EXOC6B: variants seen among roughly 807,000 people sequenced by gnomAD.
EXOC6B encodes the protein exocyst complex component 6B.
EXOC6B carries 54 observed loss-of-function variants against 113.5 expected under a neutral mutation model. That is an observed-to-expected ratio of 0.48 (90% CI 0.38 to 0.60). The LOEUF is 0.60. EXOC6B is among the 20% of genes least tolerant of loss of function. EXOC6B has a pLI of 0.00. For synonymous variants in EXOC6B, 357 were observed against 339.0 expected (o/e 1.05, Z -0.58); for missense variants, 797 against 977.5 (o/e 0.82, Z 2.46).
At chr2:72,504,871 T>C (rs1302911916) in intron 11 of EXOC6B, among the ~76,000 whole-genome samples, 2 of 152,214 alleles carry the variant, frequency 1.3e-5, no homozygotes, top group East Asian at 3.8e-4. Flanking sequence ...CTGAACACCT[T>C]TCACATGTTT....
chr2:72,231,951 T>C (rs1322733264), intron 20 of EXOC6B, among the ~76,000 whole-genome samples: 1 of 151,966 alleles, frequency 6.6e-6, no homozygotes, highest in Non-Finnish European at 1.5e-5. Context: ...ACAGAAATCA[T>C]CCTACCATAA....
chr2:72,789,788 A>G (rs370029602), intron 1 of EXOC6B, among the ~76,000 whole-genome samples: 1 of 152,338 alleles, frequency 6.6e-6, no homozygotes. Context: ...TTAATTATTG[A>G]ATCTAGGTGA....
intron 8 of EXOC6B, among the ~76,000 whole-genome samples, chr2:72,518,042 G>A (rs558042284): frequency 9.2e-5 from 14 of 152,118 alleles, no homozygotes; most frequent in African/African-American, 3.1e-4. Flanking sequence ...TGCCAATTTT[G>A]TCAACTCAAT....
intron 18 of EXOC6B, among the ~76,000 whole-genome samples, chr2:72,439,588 T>C (rs1355515671): frequency 6.6e-6 from 1 of 152,228 alleles, no homozygotes; most frequent in Non-Finnish European, 1.5e-5. Context: ...CATTCTTCTC[T>C]ATACTGGCAA....
At chr2:72,680,690 G>C in intron 6 of EXOC6B, among the ~76,000 whole-genome samples, 1 of 151,552 alleles carries the variant, frequency 6.6e-6, no homozygotes, top group East Asian at 1.9e-4. Context: ...AGTGAGCTGA[G>C]ATCTTGCGAC....
chr2:72,565,852 G>T (rs1251387813), intron 7 of EXOC6B, among the ~76,000 whole-genome samples: 2 of 151,982 alleles, frequency 1.3e-5, no homozygotes, highest in African/African-American at 4.8e-5. Flanking sequence ...GTGGGTGGTG[G>T]GGTATAGAAA....
intron 1 of EXOC6B, among the ~76,000 whole-genome samples, chr2:72,796,480 T>C (rs1020945957): frequency 3.3e-5 from 5 of 149,380 alleles, no homozygotes; most frequent in Non-Finnish European, 7.4e-5. Context: ...AGCCTCATAA[T>C]GTTTTAACAA....
chr2:72,276,622 C>T (rs914579584), intron 20 of EXOC6B, among the ~76,000 whole-genome samples: 1 of 152,148 alleles, frequency 6.6e-6, no homozygotes, highest in Non-Finnish European at 1.5e-5. Flanking sequence ...ACTCATCACT[C>T]ACACTGTGTG....
chr2:72,344,722 C>A (rs143580323), intron 19 of EXOC6B, among the ~76,000 whole-genome samples: 1 of 151,866 alleles, frequency 6.6e-6, no homozygotes, highest in African/African-American at 2.4e-5. Context: ...TGGACCTCTA[C>A]GGTTAGTTTC....
intron 16 of EXOC6B, among the ~76,000 whole-genome samples, chr2:72,483,414 A>T (rs1167556309): frequency 6.6e-6 from 1 of 152,222 alleles, no homozygotes; most frequent in Admixed American, 6.5e-5. Flanking sequence ...GAAATAAAAA[A>T]CAGTGGCAGT....
intron 6 of EXOC6B, among the ~76,000 whole-genome samples, chr2:72,626,727 T>C (rs1472820923): frequency 1.3e-5 from 2 of 151,920 alleles, no homozygotes; most frequent in Non-Finnish European, 2.9e-5. Flanking sequence ...AATTTCTACA[T>C]ACCATTAAAC....
At chr2:72,460,567 C>T (rs1403766236) in intron 18 of EXOC6B, among the ~76,000 whole-genome samples, 1 of 152,116 alleles carries the variant, frequency 6.6e-6, no homozygotes, top group Non-Finnish European at 1.5e-5. Flanking sequence ...AGACACTTCT[C>T]AAAAGAAGAC....
intron 18 of EXOC6B, among the ~76,000 whole-genome samples, chr2:72,400,485 T>C (rs1693063204): frequency 6.6e-6 from 1 of 151,776 alleles, no homozygotes; most frequent in Admixed American, 6.6e-5. Flanking sequence ...AAAGAAATAA[T>C]CAACAGAATA....
chr2:72,512,354 A>C (rs1475602358), intron 11 of EXOC6B, among the ~76,000 whole-genome samples: 5 of 13,918 alleles, frequency 3.6e-4, no homozygotes, highest in African/African-American at 8.4e-4. Context: ...GAAGGAAGGA[A>C]GGAAGGAAGG....
chr2:72,322,522 C>G (rs1687895623), intron 20 of EXOC6B, among the ~76,000 whole-genome samples: 1 of 152,050 alleles, frequency 6.6e-6, no homozygotes, highest in African/African-American at 2.4e-5. Context: ...GAGTTGTACA[C>G]TTGAAATAGG....
chr2:72,325,294 A>C (rs1380011103), intron 20 of EXOC6B, among the ~76,000 whole-genome samples: 2 of 152,124 alleles, frequency 1.3e-5, no homozygotes, highest in Non-Finnish European at 2.9e-5. Context: ...GCAGCTATTA[A>C]TATTTAAGAG....
At chr2:72,385,407 GA>G (rs996960747) in intron 18 of EXOC6B, among the ~76,000 whole-genome samples, 16 of 139,090 alleles carry the variant, frequency 1.2e-4, no homozygotes, top group Admixed American at 3.6e-4. Context: ...GAAACTACTA[GA>G]AAAAAAAAAC....
intron 11 of EXOC6B, among the ~76,000 whole-genome samples, chr2:72,508,844 A>C (rs899891794): frequency 6.6e-6 from 1 of 152,156 alleles, no homozygotes; most frequent in Non-Finnish European, 1.5e-5. Flanking sequence ...TGTCAGATAC[A>C]ATAATCACAA....
Position 72,321,926 on chromosome 2 carries a change from T to C in EXOC6B, c.2196+13021A>G, listed in dbSNP as rs115417271. 1.6e-3 allele frequency among the ~76,000 whole-genome samples: 249 copies of C among 152,236 alleles called. 2 individuals are homozygous for C. The highest frequency in any genetic ancestry group is 5.8e-3 in the African/African-American group (243 of 41,550). On this transcript the variant is annotated intron_variant, in intron 20 of 21. Coordinates refer to ENST00000272427, the MANE Select transcript of EXOC6B (RefSeq NM_015189.3). ...AACAAATGAACAAAATACTGTCTAA[T>C]CAAGTGTTGAAGAGGATGTGAAACA...
Sources: allele counts gnomAD v4.1 joint callset (sites outside exome capture counted in the v4.1 genomes callset), GRCh38; gene constraint gnomAD v4.1.1; transcripts MANE v1.5; gene names NCBI Gene and HGNC (gene_info 2026-07-23, HGNC 2026-07-21).